The following FCER2 variants were observed in gnomAD, a reference collection of about 807,000 sequenced individuals.
FCER2 encodes low affinity immunoglobulin epsilon Fc receptor.
A neutral mutation model predicts 49.7 loss-of-function variants in FCER2; 38 were observed. The ratio of observed to expected loss-of-function variants is 0.76; its 90% CI spans 0.59 to 1.00. The LOEUF (loss-of-function observed/expected upper bound fraction) is 1.00, where lower values mean the gene tolerates loss of function less well. FCER2 is among the 50% of genes least tolerant of loss of function. The pLI, the probability that FCER2 is intolerant of heterozygous loss-of-function variation, is 0.00. For synonymous variants in FCER2, 163 were observed against 164.6 expected, an observed-to-expected ratio of 0.99 and a Z score of 0.07; for missense variants, 425 against 419.5, an observed-to-expected ratio of 1.01 and a Z score of -0.11.
chr19:7,696,648 A>T lies in FCER2; in HGVS notation c.469+177T>A, dbSNP rs1420711427. 3 of 607,814 alleles carry T rather than the reference A, an allele frequency of 4.9e-6. No homozygotes were observed. The Admixed American group carries it at 8.8e-5, about 18-fold the overall frequency. The allele number at this position is 607,814 out of a possible 1,614,324, so 37.7% of individuals were successfully genotyped here. A position where few individuals can be genotyped will look rare whatever the true frequency, so the allele number is the denominator to read the frequency against. ...GTCATCACGCACACCTCTGCCTCGC[A>T]TCCAAGCACACTCCCCACCCTGCGC... On this transcript the variant is annotated intron_variant, in intron 8 of 10. Coordinates refer to ENST00000597921, the MANE Select transcript of FCER2 (RefSeq NM_001220500.2).
At chr19:7,693,797 C>T (rs2032944580) in intron 8 of FCER2, among the ~76,000 whole-genome samples, 1 of 150,882 alleles carries the variant, frequency 6.6e-6, no homozygotes, top group South Asian at 2.1e-4. Context: ...TACAGGCGTG[C>T]ACCACCATGC....
At chr19:7,690,079 C>T in intron 10 of FCER2, 80 bp downstream of exon 10, 1 of 920,388 alleles carries the variant, frequency 1.1e-6, no homozygotes, top group Non-Finnish European at 1.8e-6. Flanking sequence ...CATCCGCTTT[C>T]CGATGCAGTT....
chr19:7,696,836 T>C lies in FCER2; in HGVS notation c.458A>G (p.Gln153Arg). 2 of 1,578,152 alleles carry C rather than the reference T, an allele frequency of 1.3e-6. No individual in the cohort carries two copies. Among genetic ancestry groups the C allele is most frequent in the Non-Finnish European group, 1.7e-6 (2 of 1,160,894 alleles). ...EEVTKLRMEL[Q>R]VSSGFVCNTC... ...ACTCACACACTCACCGCTGGACACC[T>C]GCAACTCCATCCTTAGCTTTGTCAC... is the stretch of plus-strand genomic sequence containing the variant. Residue 153 changes from glutamine to arginine, a missense_variant, in exon 8 of 11, where the codon CAG (glutamine) becomes CGG (arginine). Transcript: ENST00000597921.
In FCER2 at chr19:7,697,596, C is replaced by A. The variant is rs1421070646; in HGVS notation, c.191-7G>T. The A allele has an allele frequency of 1.2e-6, 2 of 1,613,672 alleles. No homozygotes were observed. Among genetic ancestry groups the A allele is most frequent in the Non-Finnish European group, 1.7e-6 (2 of 1,179,694 alleles). The stretch of plus-strand genomic sequence containing the variant: ...TTCTTGGAAACTTGAGAGACTGGAG[C>A]GGCGGGAGAGAAGAGATATCCCAGG... On this transcript the variant is annotated splice_polypyrimidine_tract_variant and splice_region_variant and intron_variant, in intron 4 of 10. Coordinates refer to ENST00000597921, the MANE Select transcript of FCER2 (RefSeq NM_001220500.2).
At chr19:7,699,394 A>C (rs2033103028) in intron 2 of FCER2, 1 of 1,376,874 alleles carries the variant, frequency 7.3e-7, no homozygotes, top group Non-Finnish European at 9.6e-7. Context: ...TGGAGGATTC[A>C]TTATGCTAAA....
intron 8 of FCER2, 21 bp from the exon 9 acceptor site, chr19:7,690,578 G>C (rs201409747): frequency 5.6e-6 from 9 of 1,610,470 alleles, no homozygotes; most frequent in African/African-American, 1.3e-5. Flanking sequence ...GGAGAGGCTC[G>C]GGGGTGGGGC....
In FCER2 at chr19:7,689,240, C is replaced by G; in HGVS notation, c.919G>C (p.Asp307His). The change falls in exon 11 of 11, where the codon GAC (aspartate) becomes CAC (histidine). Residue 307 changes from aspartate (D) to histidine (H), a missense_variant. Physicochemically the swap from Asp to His is moderately conservative, Grantham distance 81. Coordinates refer to ENST00000597921, the MANE Select transcript of FCER2 (RefSeq NM_001220500.2). ...AESMGPDSRPDPDGRLPTPSA... is the reference protein window; with the variant it reads ...AESMGPDSRPHPDGRLPTPSA... The stretch of plus-strand genomic sequence containing the variant: ...GGGGTGGGCAGGCGGCCGTCAGGGT[C>G]TGGTCTTGAATCAGGTCCCATGGAC... The G allele has an allele frequency of 1.9e-6, 3 of 1,613,712 alleles. No individual in the cohort carries two copies. Among genetic ancestry groups the G allele is most frequent in the Non-Finnish European group, 2.5e-6 (3 of 1,179,808 alleles).
At chr19:7,697,487 C>T (rs750733191) in intron 5 of FCER2, 40 bp downstream of exon 5, 22 of 1,568,562 alleles carry the variant, frequency 1.4e-5, no homozygotes, top group Non-Finnish European at 1.7e-5. Context: ...AAGACCCCCT[C>T]GCTTTTTCCC....
intron 8 of FCER2, among the ~76,000 whole-genome samples, chr19:7,693,230 C>T (rs549208318): frequency 3.9e-5 from 6 of 152,246 alleles, no homozygotes; most frequent in South Asian, 2.1e-4. Flanking sequence ...TGGCAGAACC[C>T]GCCAAACCAG....
intron 8 of FCER2, among the ~76,000 whole-genome samples, chr19:7,695,986 G>A (rs1333753642): frequency 2.7e-5 from 4 of 146,780 alleles, no homozygotes; most frequent in Admixed American, 7.0e-5. Flanking sequence ...GCAGTGGTGC[G>A]AAGACAGCAT....
chr19:7,695,604 T>G (rs972484925), intron 8 of FCER2, among the ~76,000 whole-genome samples: 1 of 149,136 alleles, frequency 6.7e-6, no homozygotes, highest in South Asian at 2.2e-4. Flanking sequence ...AGCGAGATCC[T>G]GTCGCTACAA....
Position 7,689,357 on chromosome 19 carries a change from AGCGACCGGAGCCCC to A in FCER2, c.788_801del (p.Arg263LeufsTer9). The A allele has an allele frequency of 6.2e-7, 1 of 1,610,564 alleles. No homozygotes were observed. Among genetic ancestry groups the A allele is most frequent in the South Asian group, 1.1e-5 (1 of 90,614 alleles). The stretch of plus-strand genomic sequence containing the variant: ...TTACGGTCGCAGAAGGCGTCGTTCC[AGCGACCGGAGCCCC>A]GCATCATCACGCAGTCCTCGCCCTG... On this transcript the variant is annotated frameshift_variant, in exon 11 of 11. Coordinates refer to ENST00000597921, the MANE Select transcript of FCER2 (RefSeq NM_001220500.2). LOFTEE classifies it high-confidence loss of function.
chr19:7,701,561 C>T (rs182266723), intron 1 of FCER2, among the ~76,000 whole-genome samples: 3 of 152,244 alleles, frequency 2.0e-5, no homozygotes, highest in Non-Finnish European at 2.9e-5. Flanking sequence ...GTCCCCATCA[C>T]GCAGTGGTGG....
chr19:7,697,256 T>C lies in FCER2; in HGVS notation c.296A>G (p.Gln99Arg), dbSNP rs2033040000. Residue 99 changes from glutamine to arginine, a missense_variant, in exon 6 of 11, where the codon CAG (glutamine) becomes CGG (arginine). Transcript: ENST00000597921. ...SQELEELRAEQQRLKSQDLEL... is the reference protein window; with the variant it reads ...SQELEELRAERQRLKSQDLEL... ...CTCACCCTGAGATTTCAATCTCTGCTGTTCAGCTCGAAGTTCCTCCAGTTC... is the reference window on the plus strand; with the variant it reads ...CTCACCCTGAGATTTCAATCTCTGCCGTTCAGCTCGAAGTTCCTCCAGTTC... The C allele has an allele frequency of 1.2e-6, 2 of 1,614,208 alleles. No homozygotes were observed. The highest frequency in any genetic ancestry group is 1.7e-6 in the Non-Finnish European group (2 of 1,180,028).
chr19:7,689,143 C>T lies in FCER2; in HGVS notation c.*50G>A, dbSNP rs778531796. Reference sequence around the variant, plus strand: ...TTCAGCCACAAAGAGGCTTTTAGGCCGTGGTTGGGGGTCTTCAGGGTCTTG... The same window carrying T: ...TTCAGCCACAAAGAGGCTTTTAGGCTGTGGTTGGGGGTCTTCAGGGTCTTG... On this transcript the variant is annotated 3_prime_UTR_variant, in exon 11 of 11. Coordinates refer to ENST00000597921, the MANE Select transcript of FCER2 (RefSeq NM_001220500.2). The T allele has an allele frequency of 1.2e-5, 16 of 1,312,258 alleles. No homozygotes were observed. The highest frequency in any genetic ancestry group is 7.4e-5 in the Admixed American group (4 of 53,728). 81.3% of individuals were successfully genotyped at this position (1,312,258 alleles called of 1,614,324 possible).
At position 7,688,927 on chromosome 19, in the gene FCER2, CTGTTGGGGTGT is replaced by C. The variant is rs2032775445; in HGVS notation, c.*255_*265del. The C allele has an allele frequency of 6.0e-6, 3 of 499,378 alleles. No homozygotes were observed. Among genetic ancestry groups the C allele is most frequent in the African/African-American group, 5.8e-5 (3 of 51,506 alleles). 30.9% of individuals were successfully genotyped at this position (499,378 alleles called of 1,614,324 possible). A position where few individuals can be genotyped will look rare whatever the true frequency, so the allele number is the denominator to read the frequency against. On this transcript the variant is annotated 3_prime_UTR_variant, in exon 11 of 11. Transcript: ENST00000597921. ...GGTGTACTCTCATCTGGAGAGGGTG[CTGTTGGGGTGT>C]ACTCTCATCTGGAGAGGGTGCTGTT...
intron 2 of FCER2, chr19:7,699,477 GTTTTT>G (rs55828544): frequency 0.47 from 588,464 of 1,258,254 alleles, 121,398 homozygotes; most frequent in East Asian, 0.69. Context: ...AGCTGAAGCC[GTTTTT>G]TTTTTTTTTT....
intron 8 of FCER2, among the ~76,000 whole-genome samples, chr19:7,691,213 C>T (rs1194308221): frequency 5.9e-5 from 9 of 152,152 alleles, no homozygotes; most frequent in Non-Finnish European, 1.2e-4. Flanking sequence ...GCATTCATGT[C>T]CAACAACACT....
At chr19:7,697,767 CTA>C (rs35652200) in intron 4 of FCER2, among the ~76,000 whole-genome samples, 178 bp from the exon 5 acceptor site, 42,012 of 151,820 alleles carry the variant, frequency 0.28, 6,596 homozygotes, top group African/African-American at 0.44. Flanking sequence ...ATATAATGAA[CTA>C]CTGTGTACCT....
Sources: allele counts gnomAD v4.1 joint callset (sites outside exome capture counted in the v4.1 genomes callset), GRCh38; gene constraint gnomAD v4.1.1; transcripts MANE v1.5; gene names NCBI Gene and HGNC (gene_info 2026-07-23, HGNC 2026-07-21).